Variants in PATJ observed in about 807,000 individuals in gnomAD.
PATJ encodes PATJ crumbs cell polarity complex component.
PATJ carries 190 observed loss-of-function variants against 224.9 expected under a neutral mutation model. The observed-to-expected ratio is 0.84, with a 90% CI of 0.75 to 0.95. The LOEUF is 0.95. Among genes scored for constraint, PATJ ranks in the 40% least tolerant of loss-of-function variants. PATJ has a pLI of 0.00. For synonymous variants in PATJ, 769 were observed against 820.3 expected (o/e 0.94, Z 1.07); for missense variants, 2,121 against 2,270.3 (o/e 0.93, Z 1.34).
chr1:62,106,156 G>GTATATATATATATATATATATA lies in PATJ; in HGVS notation c.4378-2280_4378-2279insATATATATATATATATATATAT, dbSNP rs1372747156. Among the ~76,000 whole-genome samples the GTATATATATATATATATATATA allele has an allele frequency of 4.7e-3, 255 of 54,808 alleles. 24 individuals carry two copies. Among genetic ancestry groups the GTATATATATATATATATATATA allele is most frequent in the Non-Finnish European group, 8.4e-3 (204 of 24,158 alleles). 36.0% of individuals were successfully genotyped at this position (54,808 alleles called of 152,430 possible). ...TATACATGTGTATATGTGTGTGTGT[G>GTATATATATATATATATATATA]TGTATATATATATATATATATATAT... On this transcript the variant is annotated intron_variant, in intron 33 of 43. Coordinates refer to ENST00000642238, the MANE Select transcript of PATJ (RefSeq NM_001350145.3).
chr1:61,999,074 C>T (rs1411074669), intron 28 of PATJ, among the ~76,000 whole-genome samples: 2 of 151,058 alleles, frequency 1.3e-5, no homozygotes, highest in Admixed American at 6.6e-5. Context: ...ATTGAAGAAG[C>T]AGATTACTGA....
At chr1:61,980,550 C>A (rs1055007533) in intron 27 of PATJ, among the ~76,000 whole-genome samples, 1 of 151,126 alleles carries the variant, frequency 6.6e-6, no homozygotes, top group South Asian at 2.1e-4. Flanking sequence ...TAAGAGAGAA[C>A]TTCACTGGCT....
intron 24 of PATJ, among the ~76,000 whole-genome samples, chr1:61,907,945 T>A (rs1672079484): frequency 6.6e-6 from 1 of 152,216 alleles, no homozygotes; most frequent in Admixed American, 6.5e-5. Context: ...TACTCAATTG[T>A]GATAACAAGC....
chr1:62,093,468 G>C (rs564606561), intron 33 of PATJ, among the ~76,000 whole-genome samples: 1 of 152,294 alleles, frequency 6.6e-6, no homozygotes, highest in East Asian at 1.9e-4. Context: ...TCTATTTCAT[G>C]AGGAGTGTGG....
chr1:61,937,100 A>G (rs961533078), intron 27 of PATJ, among the ~76,000 whole-genome samples: 8 of 152,218 alleles, frequency 5.3e-5, no homozygotes, highest in African/African-American at 1.9e-4. Context: ...GCAAATACAC[A>G]GAAACACTGT....
chr1:61,911,212 TTTTG>T (rs911641133), intron 25 of PATJ, among the ~76,000 whole-genome samples: 2 of 152,166 alleles, frequency 1.3e-5, no homozygotes, highest in South Asian at 2.1e-4. Context: ...TGTTGTTGTT[TTTTG>T]TTTGTTTGTT....
At chr1:61,879,688 T>C (rs1436536393) in intron 21 of PATJ, among the ~76,000 whole-genome samples, 1 of 152,070 alleles carries the variant, frequency 6.6e-6, no homozygotes, top group Non-Finnish European at 1.5e-5. Context: ...ACAGTGCTTT[T>C]TGTAGTGGCA....
chr1:62,146,555 C>G (rs1266039781), intron 41 of PATJ, among the ~76,000 whole-genome samples: 1 of 152,112 alleles, frequency 6.6e-6, no homozygotes, highest in Non-Finnish European at 1.5e-5. Flanking sequence ...GCAGGCAGAT[C>G]ACCTCAGGTC....
At chr1:62,032,883 A>G (rs2148485348) in intron 29 of PATJ, among the ~76,000 whole-genome samples, 1 of 152,264 alleles carries the variant, frequency 6.6e-6, no homozygotes, top group South Asian at 2.1e-4. Flanking sequence ...GAAGCAAAGC[A>G]CCTTCTTCAC....
intron 41 of PATJ, among the ~76,000 whole-genome samples, chr1:62,136,667 G>C (rs1408411226): frequency 3.5e-5 from 4 of 113,946 alleles, no homozygotes; most frequent in Admixed American, 8.4e-5. Flanking sequence ...GTGTGTGTCT[G>C]TGTGTGTGTG....
intron 32 of PATJ, among the ~76,000 whole-genome samples, chr1:62,083,190 G>A (rs1270205245): frequency 2.0e-5 from 3 of 152,170 alleles, no homozygotes; most frequent in East Asian, 3.8e-4. Flanking sequence ...GCAATGGCGC[G>A]ATCTCAGCTC....
chr1:61,793,648 A>G (rs913951339), intron 9 of PATJ, among the ~76,000 whole-genome samples: 2 of 150,614 alleles, frequency 1.3e-5, no homozygotes, highest in South Asian at 2.1e-4. Flanking sequence ...CTGGGGAGGC[A>G]GAGGCTGCAG....
rs146376688 is a variant in PATJ, at chr1:61,980,752, C to T, written c.3671-9416C>T. ...AAATGCCAGGCCATGCGGGGTTCCC[C>T]GCAGTGGAGCCACATGTCTGATACT... is the stretch of plus-strand genomic sequence containing the variant. On this transcript the variant is annotated intron_variant, in intron 27 of 43. Transcript: ENST00000642238. 9.6e-4 allele frequency among the ~76,000 whole-genome samples: 146 copies of T among 152,230 alleles called. 3 individuals carry two copies. The highest frequency in any genetic ancestry group is 3.1e-3 in the African/African-American group (129 of 41,468).
intron 37 of PATJ, 62 bp downstream of exon 37, chr1:62,117,280 C>T (rs1664543591): frequency 1.9e-6 from 3 of 1,607,394 alleles, no homozygotes; most frequent in Non-Finnish European, 2.5e-6. Flanking sequence ...GAAAGTTCCC[C>T]ATTTAATAAA....
At chr1:61,951,671 G>A (rs185487599) in intron 27 of PATJ, among the ~76,000 whole-genome samples, 1 of 152,010 alleles carries the variant, frequency 6.6e-6, no homozygotes, top group East Asian at 1.9e-4. Context: ...AAGCTAACTT[G>A]AAGGCTTGAC....
At chr1:61,825,954 G>A (rs758126364) in intron 15 of PATJ, among the ~76,000 whole-genome samples, 3 of 152,016 alleles carry the variant, frequency 2.0e-5, no homozygotes, top group Admixed American at 6.6e-5. Context: ...TCATGGATAC[G>A]GTGTGACCAG....
chr1:61,814,892 G>C (rs1390698346), intron 14 of PATJ, among the ~76,000 whole-genome samples: 5 of 152,122 alleles, frequency 3.3e-5, no homozygotes, highest in African/African-American at 1.2e-4. Context: ...AGCTTAGAAT[G>C]CATTCATCCA....
At chr1:62,046,203 AAAAG>A (rs919545040) in intron 30 of PATJ, among the ~76,000 whole-genome samples, 7 of 147,732 alleles carry the variant, frequency 4.7e-5, no homozygotes, top group South Asian at 2.2e-4. Context: ...TGGTGAAGAA[AAAAG>A]AAAGGAAGGA....
At position 61,869,809 on chromosome 1, in the gene PATJ, C is replaced by A. The variant is rs546735262; in HGVS notation, c.2835+5176C>A. ...CAAGAGTAAACTCCACTCACTCAGA[C>A]CTGCAGCGTTCACCCCTCATGGGAG... On this transcript the variant is annotated intron_variant, in intron 20 of 43. Transcript: ENST00000642238. 2.0e-5 allele frequency among the ~76,000 whole-genome samples: 3 copies of A among 152,358 alleles called. No homozygotes were observed. In the East Asian group the frequency reaches 5.8e-4, roughly 29 times the overall value.
Sources: allele counts gnomAD v4.1 joint callset (sites outside exome capture counted in the v4.1 genomes callset), GRCh38; gene constraint gnomAD v4.1.1; transcripts MANE v1.5; gene names NCBI Gene and HGNC (gene_info 2026-07-23, HGNC 2026-07-21).